Variants in NOTCH2NLA observed in about 807,000 individuals in gnomAD.
The protein encoded by NOTCH2NLA is notch homolog 2 N-terminal-like protein A.
intron 2 of NOTCH2NLA, among the ~76,000 whole-genome samples, chr1:146,187,036 A>C (rs1482952780): frequency 2.3e-3 from 218 of 94,674 alleles, no homozygotes; most frequent in African/African-American, 2.7e-3. Context: ...CTTTCCCCCC[A>C]CCCCCTGACA....
At chr1:146,172,795 C>T (rs1159161645) in intron 2 of NOTCH2NLA, among the ~76,000 whole-genome samples, 6 of 148,206 alleles carry the variant, frequency 4.0e-5, no homozygotes, top group East Asian at 3.9e-4. Context: ...TCTCAAACTC[C>T]CATCTAGATA....
At chr1:146,166,853 T>C in intron 2 of NOTCH2NLA, among the ~76,000 whole-genome samples, 1 of 62,700 alleles carries the variant, frequency 1.6e-5, no homozygotes, top group Middle Eastern at 6.1e-3. Flanking sequence ...CTCACACCTG[T>C]AATTCCAGCA....
Position 146,228,788 on chromosome 1 carries a change from G to A in NOTCH2NLA, c.-124C>T, listed in dbSNP as rs1482344026. 5 of 1,570,492 alleles carry A rather than the reference G, an allele frequency of 3.2e-6. 1 individual carries two copies. The highest frequency in any genetic ancestry group is 2.8e-5 in the African/African-American group (2 of 72,162). On this transcript the variant is annotated 5_prime_UTR_variant, in exon 1 of 5. It introduces an in-frame stop codon into an upstream open reading frame of the 5' UTR. Coordinates refer to ENST00000362074, the Ensembl canonical transcript of NOTCH2NLA. ...CGGGGCGCAGGGCGGGTATCTTCTCGGTCGCCTCCTCCGCCGCCGCCGCCG... is the reference window on the plus strand; with the variant it reads ...CGGGGCGCAGGGCGGGTATCTTCTCAGTCGCCTCCTCCGCCGCCGCCGCCG...
intron 3 of NOTCH2NLA, among the ~76,000 whole-genome samples, chr1:146,162,256 A>G (rs1772493): frequency 6.9e-6 from 1 of 145,782 alleles, no homozygotes; most frequent in Admixed American, 7.1e-5. Flanking sequence ...GTTGGGGACT[A>G]GTGTGTTTCC....
At chr1:146,171,074 G>C (rs1422795475) in intron 2 of NOTCH2NLA, among the ~76,000 whole-genome samples, 1 of 128,356 alleles carries the variant, frequency 7.8e-6, no homozygotes. Context: ...TGTATTACTC[G>C]CTCCAGTGCT....
intron 2 of NOTCH2NLA, among the ~76,000 whole-genome samples, chr1:146,187,030 C>T (rs1187648209): frequency 1.6e-5 from 2 of 125,950 alleles, no homozygotes; most frequent in African/African-American, 2.6e-5. Flanking sequence ...CCTCCCCTTT[C>T]CCCCCACCCC....
At position 146,174,663 on chromosome 1, in the gene NOTCH2NLA, C is replaced by G. The variant is rs376672867; in HGVS notation, c.39-9653G>C. On this transcript the variant is annotated intron_variant, in intron 2 of 4. Coordinates refer to ENST00000362074, the Ensembl canonical transcript of NOTCH2NLA. ...TTACTCCCTCTGGGCTAGTTTCCAG[C>G]AGAAAATTCTTTAAACAGAACTCTG... Among the ~76,000 whole-genome samples, 311 of 143,740 alleles carry G rather than the reference C, an allele frequency of 2.2e-3. 8 individuals carry two copies. The South Asian group carries it at 0.025, about 12-fold the overall frequency. 94.3% of individuals were successfully genotyped at this position (143,740 alleles called of 152,430 possible).
intron 3 of NOTCH2NLA, among the ~76,000 whole-genome samples, chr1:146,158,214 A>C (rs1215500802): frequency 2.0e-5 from 3 of 151,060 alleles, no homozygotes; most frequent in Admixed American, 1.3e-4. Context: ...CGTGCACAAC[A>C]TGCAGGTTTG....
intron 2 of NOTCH2NLA, among the ~76,000 whole-genome samples, chr1:146,174,157 A>G (rs1662136514): frequency 6.9e-6 from 1 of 144,324 alleles, no homozygotes; most frequent in African/African-American, 2.4e-5. Context: ...TCTCTCTAGT[A>G]ATACAGGACA....
intron 3 of NOTCH2NLA, among the ~76,000 whole-genome samples, chr1:146,159,276 C>T (rs1246925398): frequency 9.3e-5 from 14 of 150,386 alleles, no homozygotes; most frequent in Non-Finnish European, 1.8e-4. Context: ...AAGAATCACT[C>T]GAACCCAAGA....
intron 2 of NOTCH2NLA, among the ~76,000 whole-genome samples, chr1:146,171,500 C>G (rs1464678357): frequency 8.1e-6 from 1 of 123,102 alleles, no homozygotes; most frequent in African/African-American, 2.6e-5. Flanking sequence ...CTCTAGAGTG[C>G]GTGTGCTTCA....
At chr1:146,228,347 G>A (rs2102381762) in intron 1 of NOTCH2NLA, 1 of 982,274 alleles carries the variant, frequency 1.0e-6, no homozygotes, top group East Asian at 1.1e-4. Flanking sequence ...TCGACCCCAG[G>A]AAACGCGGAA....
rs1315835894 is a variant in NOTCH2NLA, at chr1:146,195,129, T to G, written c.-44-5748A>C. ...CTCTGCTTTTTCACTTTTAAGTTCC[T>G]GGGATATGGAAAACATTTCGTCTTT... On this transcript the variant is annotated intron_variant, in intron 1 of 4. Transcript: ENST00000362074. 1.8e-5 allele frequency among the ~76,000 whole-genome samples: 2 copies of G among 111,446 alleles called. 1 individual carries two copies. Among genetic ancestry groups the G allele is most frequent in the African/African-American group, 7.7e-5 (2 of 26,054 alleles). 73.1% of individuals were successfully genotyped at this position (111,446 alleles called of 152,430 possible).
At chr1:146,154,087 T>G (rs1661026689), downstream of NOTCH2NLA, 1 of 115,124 alleles carries the variant, frequency 8.7e-6, no homozygotes, top group Non-Finnish European at 1.8e-5. Context: ...TACTATTTGA[T>G]TATAATTAGG....
At chr1:146,174,590 CAT>C (rs1216038792) in intron 2 of NOTCH2NLA, among the ~76,000 whole-genome samples, 2 of 141,364 alleles carry the variant, frequency 1.4e-5, no homozygotes, top group African/African-American at 4.9e-5. Flanking sequence ...AAAAAAGTCT[CAT>C]GTGGGTTGCG....
At chr1:146,228,869 T>C (rs1664363139) in exon 1 of NOTCH2NLA, 1 of 1,473,360 alleles carries the variant, frequency 6.8e-7, no homozygotes, top group African/African-American at 1.5e-5. Flanking sequence ...AGCCCCACTC[T>C]CTCCTCCCCT....
At chr1:146,152,845 ATTTC>A (rs1660978113), downstream of NOTCH2NLA, 2 of 150,760 alleles carry the variant, frequency 1.3e-5, no homozygotes, top group African/African-American at 4.9e-5. Flanking sequence ...GTGAAGAAAC[ATTTC>A]TTTCTGTGTC....
chr1:146,160,418 TA>T (rs138949375), intron 3 of NOTCH2NLA, among the ~76,000 whole-genome samples: 4 of 48 alleles, frequency 0.083, no homozygotes, highest in Admixed American at 0.5. Context: ...CCCAGTGGGG[TA>T]ACTGTATCAT....
intron 1 of NOTCH2NLA, among the ~76,000 whole-genome samples, chr1:146,194,793 A>G (rs587624311): frequency 1.0e-5 from 1 of 99,296 alleles, no homozygotes; most frequent in African/African-American, 4.6e-5. Context: ...CTGGCCTTCC[A>G]GATCAGAGCT....
Sources: allele counts gnomAD v4.1 joint callset (sites outside exome capture counted in the v4.1 genomes callset), GRCh38; gene constraint gnomAD v4.1.1; transcripts MANE v1.5; gene names NCBI Gene and HGNC (gene_info 2026-07-23, HGNC 2026-07-21).